KNTC1: variants seen among roughly 807,000 people sequenced by gnomAD.
KNTC1 encodes kinetochore associated 1.
In KNTC1, 253 loss-of-function variants were observed where a neutral mutation model predicts 314.4. The ratio of observed to expected loss-of-function variants is 0.80; its 90% CI spans 0.73 to 0.89. The LOEUF is 0.89. Among genes scored for constraint, KNTC1 ranks in the 40% least tolerant of loss-of-function variants. The pLI, the probability that KNTC1 is intolerant of heterozygous loss-of-function variation, is 0.00. For missense variants in KNTC1, 2,475 were observed against 2,572.9 expected (o/e 0.96, Z 0.82); for synonymous variants, 901 against 901.4 (o/e 1.00, Z 0.01).
intron 38 of KNTC1, among the ~76,000 whole-genome samples, chr12:122,586,979 T>A (rs1869435468): frequency 6.6e-6 from 1 of 151,688 alleles, no homozygotes; most frequent in South Asian, 2.1e-4. Flanking sequence ...CACGCCGAGC[T>A]AGTTCTTTTG....
At chr12:122,559,763 C>T (rs547257475) in intron 18 of KNTC1, among the ~76,000 whole-genome samples, 5 of 152,066 alleles carry the variant, frequency 3.3e-5, no homozygotes, top group Non-Finnish European at 4.4e-5. Flanking sequence ...TTAGTAGAGA[C>T]GGAGTTTCAC....
chr12:122,615,165 C>G (rs1873634206), intron 56 of KNTC1, 79 bp downstream of exon 56: 1 of 1,023,670 alleles, frequency 9.8e-7, no homozygotes, highest in Non-Finnish European at 1.5e-6. Flanking sequence ...TGGATTGATA[C>G]TTGTTATGGA....
At chr12:122,577,228 G>T (rs879607616) in intron 30 of KNTC1, among the ~76,000 whole-genome samples, 199 bp downstream of exon 30, 1 of 152,132 alleles carries the variant, frequency 6.6e-6, no homozygotes, top group Non-Finnish European at 1.5e-5. Context: ...GAGATTACTG[G>T]TGTGAGCTAC....
chr12:122,561,382 A>G (rs937537974), intron 18 of KNTC1, among the ~76,000 whole-genome samples: 2 of 151,788 alleles, frequency 1.3e-5, no homozygotes, highest in Non-Finnish European at 2.9e-5. Context: ...CTTTTTTGGC[A>G]TGCAATTTTT....
rs777090601 is a variant in KNTC1, at chr12:122,576,970, A to G, written c.2662A>G (p.Met888Val). Residue 888 changes from methionine to valine, a missense_variant, in exon 30 of 64, where the codon ATG (methionine) becomes GTG (valine). Physicochemically the swap from Met to Val is conservative, Grantham distance 21. Coordinates refer to ENST00000333479, the MANE Select transcript of KNTC1 (RefSeq NM_014708.6). ...TGCTTTAAAGGTAGCCCAAGCGTTTATGTTATCTGATGATGAGATCTACAG... is the reference window on the plus strand; with the variant it reads ...TGCTTTAAAGGTAGCCCAAGCGTTTGTGTTATCTGATGATGAGATCTACAG... ...EDALKVAQAFMLSDDEIYSLR... is the reference protein window; with the variant it reads ...EDALKVAQAFVLSDDEIYSLR... The G allele has an allele frequency of 1.3e-5, 21 of 1,596,424 alleles. No homozygotes were observed. The highest frequency in any genetic ancestry group is 5.2e-5 in the Admixed American group (3 of 57,344).
intron 33 of KNTC1, 134 bp from the exon 34 acceptor site, chr12:122,582,571 G>T (rs919519862): frequency 9.2e-6 from 7 of 759,382 alleles, no homozygotes; most frequent in Non-Finnish European, 1.4e-5. Flanking sequence ...ATATACCCAG[G>T]TGAGAAGCCC....
Position 122,587,824 on chromosome 12 carries a change from T to G in KNTC1, c.3844T>G (p.Cys1282Gly). 5 of 1,613,850 alleles carry G rather than the reference T, an allele frequency of 3.1e-6. No homozygotes were observed. The highest frequency in any genetic ancestry group is 4.2e-6 in the Non-Finnish European group (5 of 1,179,778). ...LRFVVGSFGT[C>G]LQHSVSNFMN... ...ATTTGTGGTTGGTTCATTTGGTACC[T>G]GTCTTCAGCACTCTGTGTCAAACTT... Residue 1282 changes from cysteine to glycine, a missense_variant, in exon 39 of 64, where the codon TGT (cysteine) becomes GGT (glycine). Coordinates refer to ENST00000333479, the MANE Select transcript of KNTC1 (RefSeq NM_014708.6).
Position 122,557,622 on chromosome 12 carries a change from A to G in KNTC1, c.1421A>G (p.Tyr474Cys), listed in dbSNP as rs569051769. 6.2e-7 allele frequency: 1 copy of G among 1,613,422 alleles called. No individual in the cohort carries two copies. ...KIQDDEFVVNYCLKAQWITYE... is the reference protein window; with the variant it reads ...KIQDDEFVVNCCLKAQWITYE... Reference sequence around the variant, plus strand: ...CAGGATGATGAATTTGTGGTGAATTACTGCCTGAAAGCTCAGTGGATAACC... The same window carrying G: ...CAGGATGATGAATTTGTGGTGAATTGCTGCCTGAAAGCTCAGTGGATAACC... The change falls in exon 18 of 64, where the codon TAC becomes TGC. Residue 474 changes from tyrosine (Y) to cysteine (C), a missense_variant. Coordinates refer to ENST00000333479, the MANE Select transcript of KNTC1 (RefSeq NM_014708.6).
intron 3 of KNTC1, among the ~76,000 whole-genome samples, chr12:122,535,600 TC>T (rs1173176160): frequency 6.6e-6 from 1 of 151,362 alleles, no homozygotes; most frequent in Non-Finnish European, 1.5e-5. Flanking sequence ...CCAAGATCAC[TC>T]CACTACACTC....
intron 20 of KNTC1, among the ~76,000 whole-genome samples, chr12:122,565,516 T>TTA (rs1021141044): frequency 4.3e-4 from 25 of 58,408 alleles, no homozygotes; most frequent in Non-Finnish European, 9.2e-4. Flanking sequence ...GTTATTATTA[T>TTA]TTTTTTTTTT....
At chr12:122,581,677 T>C (rs919419642) in intron 33 of KNTC1, among the ~76,000 whole-genome samples, 2 of 151,886 alleles carry the variant, frequency 1.3e-5, no homozygotes, top group Non-Finnish European at 2.9e-5. Context: ...GTGTTTTTAA[T>C]AGAGACGGGG....
intron 4 of KNTC1, among the ~76,000 whole-genome samples, chr12:122,539,373 G>A (rs1175683278): frequency 2.6e-5 from 4 of 152,106 alleles, no homozygotes; most frequent in Non-Finnish European, 5.9e-5. Context: ...AGCTTTGAAG[G>A]TGTTACCACA....
chr12:122,620,747 G>C, intron 60 of KNTC1, 139 bp downstream of exon 60: 1 of 848,250 alleles, frequency 1.2e-6, no homozygotes, highest in South Asian at 1.9e-5. Flanking sequence ...CTTGTATGGG[G>C]GCTTAGTGGG....
intron 42 of KNTC1, chr12:122,593,668 TATC>T (rs1870637458): frequency 6.6e-6 from 1 of 151,846 alleles, no homozygotes; most frequent in Non-Finnish European, 1.5e-5. Context: ...GCAGTGGCAT[TATC>T]ATGGCTCACT....
rs748782051 is a variant in KNTC1 at position 122,582,849 on chromosome 12, G to C, written c.3127G>C (p.Val1043Leu). Reference sequence around the variant, plus strand: ...CACCCCAGAGCCCATAGCTGCTGAGGTGAGGAGCCCAAGCATGGAATCAAA... The same window carrying C: ...CACCCCAGAGCCCATAGCTGCTGAGCTGAGGAGCCCAAGCATGGAATCAAA... The part of the protein sequence containing the change: ...GSTPEPIAAE[V>L]RSPSMESKLH... The change falls in exon 34 of 64, where the codon GTG becomes CTG. Residue 1043 changes from valine (V) to leucine (L), a missense_variant. Coordinates refer to ENST00000333479, the MANE Select transcript of KNTC1 (RefSeq NM_014708.6). The C allele has an allele frequency of 2.2e-5, 36 of 1,612,024 alleles. No individual in the cohort carries two copies. The highest frequency in any genetic ancestry group is 3.1e-5 in the Non-Finnish European group (36 of 1,179,056).
At chr12:122,590,470 T>C in intron 40 of KNTC1, 137 bp from the exon 41 acceptor site, 1 of 787,110 alleles carries the variant, frequency 1.3e-6, no homozygotes. Flanking sequence ...TGAATTCTGT[T>C]TTTTTTTCTT....
At chr12:122,605,152 A>G (rs1476309881) in intron 50 of KNTC1, 65 bp downstream of exon 50, 3 of 1,398,568 alleles carry the variant, frequency 2.1e-6, no homozygotes, top group Non-Finnish European at 3.0e-6. Context: ...AGTTTTATGT[A>G]TATATGTACG....
intron 4 of KNTC1, among the ~76,000 whole-genome samples, chr12:122,538,901 T>C (rs1050597784): frequency 2.0e-5 from 3 of 152,186 alleles, no homozygotes; most frequent in Admixed American, 2.0e-4. Flanking sequence ...TAAATCTCCA[T>C]CCCTGGGTGT....
In KNTC1 at chr12:122,597,910, T is replaced by G. The variant is rs75696429; in HGVS notation, c.4535T>G (p.Val1512Gly). Residue 1512 changes from valine (V) to glycine (G), a missense_variant, in exon 44 of 64, where the codon GTC (valine) becomes GGC (glycine). Transcript: ENST00000333479. ...TTACTGACGAGCACAAAAGATTTGG[T>G]CATCAGTCTTAGTGGAATACTACAT... ...VPLLTSTKDL[V>G]ISLSGILHKL... 274 of 1,613,994 alleles carry G rather than the reference T, an allele frequency of 1.7e-4. 1 individual carries two copies. The East Asian group carries it at 5.8e-3, about 34-fold the overall frequency.
Sources: gnomAD v4.1 joint callset for allele counts (sites outside exome capture counted in the v4.1 genomes callset) on GRCh38, gnomAD v4.1.1 for gene constraint, MANE v1.5 for transcripts, NCBI Gene and HGNC (gene_info 2026-07-23, HGNC 2026-07-21) for gene names.